Variants in COL28A1 observed in about 807,000 individuals in gnomAD.
The protein encoded by COL28A1 is collagen type XXVIII alpha 1 chain.
COL28A1 carries 161 observed loss-of-function variants against 150.2 expected under a neutral mutation model. That is an observed-to-expected ratio of 1.07 (90% CI 0.94 to 1.22). The LOEUF is 1.22. Among genes scored for constraint, COL28A1 ranks in the 50% most tolerant of loss-of-function variants. The pLI is 0.00. For missense variants in COL28A1, 1,617 were observed against 1,388.3 expected (o/e 1.16, Z -2.62); for synonymous variants, 552 against 469.7 (o/e 1.18, Z -2.26).
chr7:7,346,281 A>G, the COL28A1 span, among the ~76,000 whole-genome samples: 2 of 151,968 alleles, frequency 1.3e-5, no homozygotes, highest in Non-Finnish European at 2.9e-5. Flanking sequence ...TTCTTCAAGA[A>G]ATTAGTTGTT....
intron 6 of COL28A1, among the ~76,000 whole-genome samples, chr7:7,518,241 T>C (rs1050031961): frequency 3.9e-5 from 6 of 152,188 alleles, no homozygotes; most frequent in African/African-American, 1.2e-4. Context: ...TAAGAAAATA[T>C]ATTATGTGGC....
intron 10 of COL28A1, among the ~76,000 whole-genome samples, chr7:7,506,375 A>T (rs1353759279): frequency 6.6e-6 from 1 of 152,210 alleles, no homozygotes; most frequent in Non-Finnish European, 1.5e-5. Flanking sequence ...CCAGTTAAGT[A>T]TCTTCTTTTT....
intron 25 of COL28A1, among the ~76,000 whole-genome samples, chr7:7,432,176 G>C (rs1785019658): frequency 1.3e-5 from 2 of 152,156 alleles, no homozygotes; most frequent in Admixed American, 6.5e-5. Flanking sequence ...AGTATCTAGG[G>C]AAAGAGTATG....
intron 27 of COL28A1, among the ~76,000 whole-genome samples, chr7:7,399,820 G>A (rs949001126): frequency 6.6e-6 from 1 of 152,186 alleles, no homozygotes; most frequent in African/African-American, 2.4e-5. Flanking sequence ...AAGCAGATAA[G>A]GGAGTAACCG....
chr7:7,373,427 G>A lies in COL28A1; in HGVS notation c.2479C>T (p.Arg827Trp), dbSNP rs201312809. The A allele has an allele frequency of 1.3e-4, 207 of 1,613,966 alleles. 1 individual carries two copies. The Middle Eastern group carries it at 1.5e-3, about 12-fold the overall frequency. ...GCCGTGGCAAGGTCCAGAGCAACCC[G>A]GTCAGCCATAGTCTTCACAAAATTT... ...IKNFVKTMAD[R>W]VALDLATARI... Residue 827 changes from arginine to tryptophan, a missense_variant, in exon 32 of 35, where the codon CGG (arginine) becomes TGG (tryptophan). Coordinates refer to ENST00000399429, the MANE Select transcript of COL28A1 (RefSeq NM_001037763.3). The surrounding 1 kb of genome is among the most constrained non-coding windows in gnomAD (Gnocchi z 4.1).
chr7:7,487,154 TA>T (rs55844533), intron 13 of COL28A1, among the ~76,000 whole-genome samples: 19,647 of 151,558 alleles, frequency 0.13, 1,333 homozygotes, highest in Middle Eastern at 0.22. Flanking sequence ...TTTCATTATT[TA>T]AAAAAAAACA....
chr7:7,436,281 C>G, intron 23 of COL28A1, 114 bp downstream of exon 23: 2 of 731,882 alleles, frequency 2.7e-6, no homozygotes, highest in Non-Finnish European at 4.9e-6. Context: ...TATATTCTTA[C>G]ATTTTAGTTA....
chr7:7,375,373 A>C, intron 31 of COL28A1, 88 bp downstream of exon 31: 1 of 1,216,874 alleles, frequency 8.2e-7, no homozygotes, highest in Non-Finnish European at 1.1e-6. Flanking sequence ...TATATAATAT[A>C]CATCTGGACG....
intron 27 of COL28A1, among the ~76,000 whole-genome samples, chr7:7,386,103 T>C (rs905377856): frequency 6.6e-6 from 1 of 152,200 alleles, no homozygotes; most frequent in Non-Finnish European, 1.5e-5. Flanking sequence ...TATCACCACA[T>C]TAGATGGGTC....
intron 4 of COL28A1, among the ~76,000 whole-genome samples, chr7:7,523,182 CG>C (rs60151727): frequency 0.96 from 144,066 of 149,600 alleles, 69,412 homozygotes; most frequent in East Asian, 1. Flanking sequence ...TTTTTTTAAA[CG>C]GGAGTCTCAC....
rs751147801 is a variant in COL28A1, at chr7:7,414,543, G to A, written c.2136+3316C>T. Among the ~76,000 whole-genome samples, 6 of 152,326 alleles carry A rather than the reference G, an allele frequency of 3.9e-5. No homozygotes were observed. In the South Asian group the frequency reaches 1.2e-3, roughly 32 times the overall value. On this transcript the variant is annotated intron_variant, in intron 27 of 34. Transcript: ENST00000399429. ...GGGGCGAGCCCATCGTGCTCTCAGG[G>A]TTTTCCAGGACCAGAGCTACCACAG... is the stretch of plus-strand genomic sequence containing the variant.
intron 27 of COL28A1, among the ~76,000 whole-genome samples, chr7:7,402,478 G>A (rs1783260628): frequency 6.6e-6 from 1 of 152,118 alleles, no homozygotes; most frequent in Admixed American, 6.6e-5. Context: ...ATGAGAGACT[G>A]CATGTAGTAA....
At chr7:7,416,995 A>AATAT (rs143086232) in intron 27 of COL28A1, among the ~76,000 whole-genome samples, 3 of 150,988 alleles carry the variant, frequency 2.0e-5, no homozygotes, top group African/African-American at 4.9e-5. Context: ...GCATGGTAAA[A>AATAT]ATATATATAT....
intron 27 of COL28A1, among the ~76,000 whole-genome samples, chr7:7,392,528 T>C (rs548580008): frequency 1.4e-4 from 21 of 152,342 alleles, no homozygotes; most frequent in Non-Finnish European, 2.1e-4. Context: ...CCTGTCTTGC[T>C]AGGTTGGGGA....
At chr7:7,445,914 A>G (rs1022599489) in intron 18 of COL28A1, among the ~76,000 whole-genome samples, 3 of 149,494 alleles carry the variant, frequency 2.0e-5, no homozygotes, top group African/African-American at 5.0e-5. Context: ...AGGCTTGTTC[A>G]GTGGTATGAT....
intron 27 of COL28A1, chr7:7,417,520 AGGGG>A (rs1175505711): frequency 6.6e-5 from 9 of 135,454 alleles, no homozygotes; most frequent in African/African-American, 3.5e-4. Context: ...GGAAGGAGGG[AGGGG>A]GGAGGGAGGG....
chr7:7,427,292 C>T (rs1408822506), intron 25 of COL28A1, among the ~76,000 whole-genome samples: 1 of 152,152 alleles, frequency 6.6e-6, no homozygotes, highest in Non-Finnish European at 1.5e-5. Context: ...CTTTGTATGG[C>T]TCTGGCTTTA....
chr7:7,364,368 G>C (rs987521508), intron 33 of COL28A1, among the ~76,000 whole-genome samples: 1 of 152,156 alleles, frequency 6.6e-6, no homozygotes, highest in Non-Finnish European at 1.5e-5. Context: ...GTAATGACTC[G>C]AGAGGAGTCT....
chr7:7,400,083 A>G (rs1297511636), intron 27 of COL28A1, among the ~76,000 whole-genome samples: 2 of 152,240 alleles, frequency 1.3e-5, no homozygotes, highest in African/African-American at 4.8e-5. Flanking sequence ...TCAGTTCATT[A>G]ACAGACAAGA....
Sources: allele counts gnomAD v4.1 joint callset (sites outside exome capture counted in the v4.1 genomes callset), GRCh38; gene constraint gnomAD v4.1.1; non-coding constraint Gnocchi (gnomAD v3.1); transcripts MANE v1.5; gene names NCBI Gene and HGNC (gene_info 2026-07-23, HGNC 2026-07-21).